The following STK39 variants were observed in gnomAD, a reference collection of about 807,000 sequenced individuals.
The protein encoded by STK39 is STE20/SPS1-related proline-alanine-rich protein kinase.
STK39 carries 20 observed loss-of-function variants against 77.8 expected under a neutral mutation model. That is an observed-to-expected ratio of 0.26 (90% CI 0.18 to 0.37). The LOEUF is 0.37. Ranked by LOEUF, STK39 falls within the 10% of genes least tolerant of loss-of-function variation. The probability of loss-of-function intolerance (pLI) is 1.00; values close to 1 mark genes in which losing one functional copy is unlikely to be tolerated. For synonymous variants in STK39, 246 were observed against 234.1 expected (o/e 1.05, Z -0.47); for missense variants, 479 against 656.5 (o/e 0.73, Z 2.95).
intron 10 of STK39, among the ~76,000 whole-genome samples, chr2:168,106,586 A>T (rs1686980074): frequency 6.6e-6 from 1 of 152,140 alleles, no homozygotes; most frequent in Admixed American, 6.6e-5. Context: ...TTGGGAGGCC[A>T]AGGCAGGAGG....
intron 12 of STK39, 128 bp downstream of exon 12, chr2:168,074,854 G>T: frequency 9.2e-7 from 1 of 1,086,986 alleles, no homozygotes; most frequent in Non-Finnish European, 1.3e-6. Context: ...GAGCTGCAAA[G>T]TCCTCGTGCC....
chr2:168,078,599 T>TTCTACGATAGCATCCTA, intron 10 of STK39, among the ~76,000 whole-genome samples: 2 of 152,234 alleles, frequency 1.3e-5, no homozygotes, highest in South Asian at 4.1e-4. Flanking sequence ...CAGGTAAAAT[T>TTCTACGATAGCATCCTA]TCTACGATAG....
intron 10 of STK39, among the ~76,000 whole-genome samples, chr2:168,076,782 T>C (rs1686090248): frequency 1.3e-5 from 2 of 152,302 alleles, no homozygotes; most frequent in African/African-American, 2.4e-5. Context: ...TCTTTTGGGC[T>C]TGGCATCAGA....
rs191984249 is a variant in STK39, at chr2:168,112,354, G to A, written c.1089+17187C>T. Among the ~76,000 whole-genome samples, 184 of 152,150 alleles carry A rather than the reference G, an allele frequency of 1.2e-3. 1 individual carries two copies. The highest frequency in any genetic ancestry group is 4.0e-3 in the African/African-American group (168 of 41,522). On this transcript the variant is annotated intron_variant, in intron 10 of 17. Coordinates refer to ENST00000355999, the MANE Select transcript of STK39 (RefSeq NM_013233.3). ...TCTCATCTTGAATTGTAATCTCCAC[G>A]GGTCAGCGGAGGGGGCTGGTTGGGG...
At chr2:168,047,568 C>A (rs1185756616) in intron 14 of STK39, among the ~76,000 whole-genome samples, 1 of 152,204 alleles carries the variant, frequency 6.6e-6, no homozygotes, top group Non-Finnish European at 1.5e-5. Context: ...ATCCCCAGAG[C>A]TTCTCCATTA....
intron 10 of STK39, among the ~76,000 whole-genome samples, chr2:168,104,405 T>C (rs571587427): frequency 1.3e-5 from 2 of 152,284 alleles, no homozygotes; most frequent in Admixed American, 6.5e-5. Context: ...GAAATCATTA[T>C]TGCAAGTAGT....
At chr2:168,004,190 T>C (rs1484334260) in intron 16 of STK39, among the ~76,000 whole-genome samples, 1 of 152,204 alleles carries the variant, frequency 6.6e-6, no homozygotes, top group Non-Finnish European at 1.5e-5. Context: ...GCAATGTTAG[T>C]TTTAATCAAA....
At position 168,084,630 on chromosome 2, in the gene STK39, A is replaced by G. The variant is rs567079489; in HGVS notation, c.1090-9399T>C. Among the ~76,000 whole-genome samples the G allele has an allele frequency of 3.3e-5, 5 of 152,338 alleles. No individual in the cohort carries two copies. In the East Asian group the frequency reaches 9.6e-4, roughly 29 times the overall value. ...AGCGGAAATGCACCTAATGAACTCAATGATCTATCTAAAGAGATTTCCAGG... is the reference window on the plus strand; with the variant it reads ...AGCGGAAATGCACCTAATGAACTCAGTGATCTATCTAAAGAGATTTCCAGG... On this transcript the variant is annotated intron_variant, in intron 10 of 17. Transcript: ENST00000355999.
intron 1 of STK39, among the ~76,000 whole-genome samples, chr2:168,184,028 C>T (rs1406757757): frequency 6.6e-6 from 1 of 152,198 alleles, no homozygotes; most frequent in Non-Finnish European, 1.5e-5. Context: ...CTCAGCTCTA[C>T]CTGCAATAAA....
intron 5 of STK39, among the ~76,000 whole-genome samples, chr2:168,153,522 C>G (rs1376764906): frequency 6.6e-6 from 1 of 151,784 alleles, no homozygotes; most frequent in Non-Finnish European, 1.5e-5. Flanking sequence ...GCATTTTTAT[C>G]AAGTTTATGC....
At chr2:168,211,549 AT>A (rs1158846027) in intron 1 of STK39, among the ~76,000 whole-genome samples, 1 of 152,210 alleles carries the variant, frequency 6.6e-6, no homozygotes, top group Admixed American at 6.5e-5. Context: ...TCTGGGTAAT[AT>A]TTGATGATAG....
chr2:168,056,325 G>A (rs1224796626), intron 14 of STK39, among the ~76,000 whole-genome samples: 1 of 152,010 alleles, frequency 6.6e-6, no homozygotes, highest in Admixed American at 6.6e-5. Flanking sequence ...ACAAAATCAA[G>A]GTGAGCTTCC....
At position 168,126,356 on chromosome 2, in the gene STK39, C is replaced by T. The variant is rs113255250; in HGVS notation, c.1089+3185G>A. On this transcript the variant is annotated intron_variant, in intron 10 of 17. Coordinates refer to ENST00000355999, the MANE Select transcript of STK39 (RefSeq NM_013233.3). Reference sequence around the variant, plus strand: ...GACAGTCTAAGAACAAATAAATTAACGACTCCCCTGAACCAATTCTTAAAC... The same window carrying T: ...GACAGTCTAAGAACAAATAAATTAATGACTCCCCTGAACCAATTCTTAAAC... 2.9e-3 allele frequency among the ~76,000 whole-genome samples: 441 copies of T among 152,238 alleles called. 1 individual carries two copies. Among genetic ancestry groups the T allele is most frequent in the African/African-American group, 9.8e-3 (407 of 41,534 alleles).
intron 2 of STK39, among the ~76,000 whole-genome samples, chr2:168,169,631 CGTGTGTGTGTGTGT>C (rs10611769): frequency 3.4e-5 from 5 of 145,934 alleles, no homozygotes; most frequent in Admixed American, 2.7e-4. Flanking sequence ...TTGCAGTGAG[CGTGTGTGTGTGTGT>C]GTGTGTGTGT....
intron 2 of STK39, among the ~76,000 whole-genome samples, chr2:168,174,438 T>C (rs1688906050): frequency 6.6e-6 from 1 of 152,192 alleles, no homozygotes; most frequent in South Asian, 2.1e-4. Flanking sequence ...CCACTTATTT[T>C]TTTCAAATGA....
intron 10 of STK39, among the ~76,000 whole-genome samples, chr2:168,116,320 A>G (rs1687256893): frequency 6.6e-6 from 1 of 152,150 alleles, no homozygotes; most frequent in East Asian, 1.9e-4. Flanking sequence ...AATTTTGTAT[A>G]TGTCTATATG....
intron 14 of STK39, among the ~76,000 whole-genome samples, chr2:168,051,554 A>C (rs1685395499): frequency 6.6e-6 from 1 of 152,180 alleles, no homozygotes; most frequent in Non-Finnish European, 1.5e-5. Flanking sequence ...ACCATGCAAG[A>C]CTGACTCCTG....
chr2:168,119,966 AAGG>A (rs1687362479), intron 10 of STK39, among the ~76,000 whole-genome samples: 1 of 152,190 alleles, frequency 6.6e-6, no homozygotes, highest in Non-Finnish European at 1.5e-5. Flanking sequence ...GGCCTTGGTT[AAGG>A]CTCGACCTCC....
intron 13 of STK39, among the ~76,000 whole-genome samples, chr2:168,063,950 G>A (rs565089752): frequency 2.0e-4 from 30 of 152,264 alleles, no homozygotes; most frequent in Non-Finnish European, 4.0e-4. Flanking sequence ...AGAGGAAGGC[G>A]GGGCCCAGAA....
Sources: gnomAD v4.1 joint callset for allele counts (sites outside exome capture counted in the v4.1 genomes callset) on GRCh38, gnomAD v4.1.1 for gene constraint, MANE v1.5 for transcripts, NCBI Gene and HGNC (gene_info 2026-07-23, HGNC 2026-07-21) for gene names.